CARMIL1: variants seen among roughly 807,000 people sequenced by gnomAD.
The protein encoded by CARMIL1 is F-actin-uncapping protein LRRC16A.
In CARMIL1, 90 loss-of-function variants were observed where a neutral mutation model predicts 177.1. That is an observed-to-expected ratio of 0.51 (90% CI 0.43 to 0.61). CARMIL1 has a LOEUF of 0.61. Ranked by LOEUF, CARMIL1 falls within the 20% of genes least tolerant of loss-of-function variation. The pLI, the probability that CARMIL1 is intolerant of heterozygous loss-of-function variation, is 0.00. For synonymous variants in CARMIL1, 577 were observed against 606.2 expected (o/e 0.95, Z 0.71); for missense variants, 1,380 against 1,667.0 (o/e 0.83, Z 3.00).
chr6:25,430,274 G>A lies in CARMIL1; in HGVS notation c.249+3714G>A, dbSNP rs201416771. On this transcript the variant is annotated intron_variant, in intron 4 of 36. Coordinates refer to ENST00000329474, the MANE Select transcript of CARMIL1 (RefSeq NM_017640.6). Reference sequence around the variant, plus strand: ...CTGGCTTCTCTATTAGAGAATCATAGATTTATAGAATGATTCTATATATTT... The same window carrying A: ...CTGGCTTCTCTATTAGAGAATCATAAATTTATAGAATGATTCTATATATTT... Among the ~76,000 whole-genome samples the A allele has an allele frequency of 2.2e-4, 33 of 146,932 alleles. No individual in the cohort carries two copies. The East Asian group carries it at 2.2e-3, about 10-fold the overall frequency.
At position 25,452,181 on chromosome 6, in the gene CARMIL1, C is replaced by G. The variant is rs1241296778; in HGVS notation, c.614+1470C>G. The stretch of plus-strand genomic sequence containing the variant: ...GATGGTGAAGCAGGCTCAGCTGTGT[C>G]TGTAGTTGTGGCTGATGGGCCTAAA... On this transcript the variant is annotated intron_variant, in intron 8 of 36. Transcript: ENST00000329474. 1.6e-5 allele frequency: 12 copies of G among 764,674 alleles called. No homozygotes were observed. In the African/African-American group the frequency reaches 1.9e-4, roughly 12 times the overall value. 47.4% of individuals were successfully genotyped at this position (764,674 alleles called of 1,614,324 possible). A position where few individuals can be genotyped will look rare whatever the true frequency, so the allele number is the denominator to read the frequency against.
chr6:25,390,711 C>A (rs35361710), intron 2 of CARMIL1, among the ~76,000 whole-genome samples: 1 of 151,870 alleles, frequency 6.6e-6, no homozygotes, highest in East Asian at 1.9e-4. Context: ...ATTTTTTTTG[C>A]GACAGTCTCG....
At chr6:25,533,321 C>G (rs1356889747) in intron 24 of CARMIL1, among the ~76,000 whole-genome samples, 1 of 152,154 alleles carries the variant, frequency 6.6e-6, no homozygotes, top group Non-Finnish European at 1.5e-5. Flanking sequence ...AACTTGGGCT[C>G]TCAAGTCAGA....
intron 24 of CARMIL1, among the ~76,000 whole-genome samples, chr6:25,532,926 G>T (rs1047700367): frequency 7.9e-5 from 12 of 152,266 alleles, no homozygotes; most frequent in Non-Finnish European, 1.5e-4. Context: ...GTAAATGAAT[G>T]AGTGTTATTA....
intron 23 of CARMIL1, among the ~76,000 whole-genome samples, chr6:25,524,797 A>T (rs1223386503): frequency 6.6e-6 from 1 of 152,172 alleles, no homozygotes; most frequent in East Asian, 1.9e-4. Context: ...AAAAAAAATT[A>T]AAAGGAAATA....
chr6:25,495,708 C>T (rs959606570), intron 16 of CARMIL1, among the ~76,000 whole-genome samples: 1 of 152,114 alleles, frequency 6.6e-6, no homozygotes, highest in South Asian at 2.1e-4. Flanking sequence ...CTATTTGGCA[C>T]TTTTATTTGG....
Position 25,465,881 on chromosome 6 carries a change from T to C in CARMIL1, c.623T>C (p.Ile208Thr). 1 of 1,610,254 alleles carries C rather than the reference T, an allele frequency of 6.2e-7. No individual in the cohort carries two copies. The highest frequency in any genetic ancestry group is 8.5e-7 in the Non-Finnish European group (1 of 1,176,590). ...GTTGTTTCTGCTTCCAGGGACCTAA[T>C]ACCTATCATTGCTGCTCTGGAATAT... is the stretch of plus-strand genomic sequence containing the variant. ...DFSHLDHRDL[I>T]PIIAALEYNQ... Residue 208 changes from isoleucine to threonine, a missense_variant, in exon 9 of 37, where the codon ATA (isoleucine) becomes ACA (threonine). By Grantham distance (89) the Ile-to-Thr change is moderately conservative. Coordinates refer to ENST00000329474, the MANE Select transcript of CARMIL1 (RefSeq NM_017640.6).
At chr6:25,378,230 A>G (rs1791183892) in intron 2 of CARMIL1, among the ~76,000 whole-genome samples, 1 of 152,190 alleles carries the variant, frequency 6.6e-6, no homozygotes, top group African/African-American at 2.4e-5. Context: ...GGCAAATCTC[A>G]TAGCCACAGT....
At chr6:25,448,580 C>T (rs748322984) in intron 5 of CARMIL1, among the ~76,000 whole-genome samples, 1 of 152,188 alleles carries the variant, frequency 6.6e-6, no homozygotes, top group African/African-American at 2.4e-5. Flanking sequence ...TACGTCCCAC[C>T]TCTTCTCCTC....
At chr6:25,336,379 G>A (rs2150305331) in intron 2 of CARMIL1, among the ~76,000 whole-genome samples, 1 of 152,272 alleles carries the variant, frequency 6.6e-6, no homozygotes, top group South Asian at 2.1e-4. Context: ...AGTCCTTCCA[G>A]TGACAGACTG....
At chr6:25,529,531 C>T (rs1255773446) in intron 24 of CARMIL1, among the ~76,000 whole-genome samples, 4 of 151,902 alleles carry the variant, frequency 2.6e-5, no homozygotes, top group Non-Finnish European at 5.9e-5. Context: ...TGTCAAAGAG[C>T]GAGATGAACA....
chr6:25,573,681 GC>G (rs1415989453), intron 29 of CARMIL1, among the ~76,000 whole-genome samples: 2 of 150,684 alleles, frequency 1.3e-5, no homozygotes, highest in Non-Finnish European at 2.9e-5. Context: ...TAACTAACTG[GC>G]TTTTTTCCCC....
At chr6:25,459,250 C>CTTTCTTTCTTTCTT (rs1562167404) in intron 8 of CARMIL1, among the ~76,000 whole-genome samples, 14 of 111,970 alleles carry the variant, frequency 1.3e-4, no homozygotes, top group African/African-American at 1.4e-4. Flanking sequence ...TTCTTTCTTT[C>CTTTCTTTCTTTCTT]TTTCTTTCTT....
At position 25,509,582 on chromosome 6, in the gene CARMIL1, C is replaced by T. The variant is rs967856697; in HGVS notation, c.1396-74C>T. The T allele has an allele frequency of 1.1e-6, 1 of 939,078 alleles. No homozygotes were observed. The highest frequency in any genetic ancestry group is 2.6e-5 in the East Asian group (1 of 38,242). The allele number at this position is 939,078 out of a possible 1,614,324, so 58.2% of individuals were successfully genotyped here. On this transcript the variant is annotated intron_variant, in intron 17 of 36. Transcript: ENST00000329474. This position sits in a 1 kb window ranked among gnomAD's most constrained non-coding sequence, Gnocchi z 4.1. Reference sequence around the variant, plus strand: ...GTTTATTTTAAGACTGACTGTCTCTCCTATTTTTAATTTTTTGATTACATC... The same window carrying T: ...GTTTATTTTAAGACTGACTGTCTCTTCTATTTTTAATTTTTTGATTACATC...
intron 2 of CARMIL1, among the ~76,000 whole-genome samples, chr6:25,350,450 A>T (rs1235226245): frequency 6.6e-6 from 1 of 152,166 alleles, no homozygotes. Context: ...CTCACCAGGC[A>T]TGGGCTCCTG....
intron 2 of CARMIL1, among the ~76,000 whole-genome samples, chr6:25,403,717 G>A (rs541078952): frequency 6.6e-6 from 1 of 151,712 alleles, no homozygotes; most frequent in Non-Finnish European, 1.5e-5. Flanking sequence ...TCATAATTAC[G>A]TCACACCAAG....
intron 2 of CARMIL1, chr6:25,287,516 C>T (rs1781609547): frequency 6.5e-6 from 1 of 152,818 alleles, no homozygotes; most frequent in South Asian, 2.1e-4. Flanking sequence ...TGTAAACACC[C>T]CTACACTCAG....
intron 2 of CARMIL1, among the ~76,000 whole-genome samples, chr6:25,367,350 T>C (rs540727165): frequency 6.6e-6 from 1 of 152,254 alleles, no homozygotes; most frequent in African/African-American, 2.4e-5. Context: ...TCAAGTGGGA[T>C]GTAAGCTGCT....
At chr6:25,349,793 A>G (rs1787927210) in intron 2 of CARMIL1, among the ~76,000 whole-genome samples, 1 of 143,724 alleles carries the variant, frequency 7.0e-6, no homozygotes, top group Non-Finnish European at 1.5e-5. Context: ...CAGTGGTACA[A>G]TTTCGGCTCA....
Sources: allele counts gnomAD v4.1 joint callset (sites outside exome capture counted in the v4.1 genomes callset), GRCh38; gene constraint gnomAD v4.1.1; non-coding constraint Gnocchi (gnomAD v3.1); transcripts MANE v1.5; gene names NCBI Gene and HGNC (gene_info 2026-07-23, HGNC 2026-07-21).